The following VRK1 variants were observed in gnomAD, a reference collection of about 807,000 sequenced individuals.
VRK1 encodes VRK serine/threonine kinase 1, also known as serine/threonine-protein kinase VRK1.
In VRK1, 33 loss-of-function variants were observed where a neutral mutation model predicts 57.1. That is an observed-to-expected ratio of 0.58 (90% CI 0.44 to 0.77). The LOEUF (loss-of-function observed/expected upper bound fraction) is 0.77, where lower values mean the gene tolerates loss of function less well. Among genes scored for constraint, VRK1 ranks in the 30% least tolerant of loss-of-function variants. VRK1 has a pLI of 0.00. For synonymous variants in VRK1, 137 were observed against 147.8 expected (o/e 0.93, Z 0.53); for missense variants, 413 against 477.3 (o/e 0.87, Z 1.25).
intron 12 of VRK1, among the ~76,000 whole-genome samples, chr14:96,878,287 GAC>G (rs1341893424): frequency 6.6e-6 from 1 of 152,116 alleles, no homozygotes; most frequent in Non-Finnish European, 1.5e-5. Flanking sequence ...TGAAGGAAAA[GAC>G]ACATTATTAC....
In VRK1 at chr14:96,847,342, A is replaced by G; in HGVS notation, c.372A>G (p.Lys124=). The G allele has an allele frequency of 6.2e-7, 1 of 1,612,670 alleles. No homozygotes were observed. Residue 124 remains lysine (K), a splice_region_variant and synonymous_variant, in exon 5 of 13, where the codon AAA becomes AAG. Coordinates refer to ENST00000216639, the MANE Select transcript of VRK1 (RefSeq NM_003384.3). ...WGSGLHDKNG[K]SYRFMIMDRF... ...CTGGTCTACATGACAAAAATGGAAAAAGGTAAAAATATGTGTGATTTGTCT... is the reference window on the plus strand; with the variant it reads ...CTGGTCTACATGACAAAAATGGAAAGAGGTAAAAATATGTGTGATTTGTCT...
intron 11 of VRK1, among the ~76,000 whole-genome samples, chr14:96,875,818 C>G (rs1595691399): frequency 6.6e-6 from 1 of 152,128 alleles, no homozygotes. Flanking sequence ...GGTTAACTGT[C>G]TAGTTGAAAG....
intron 12 of VRK1, among the ~76,000 whole-genome samples, chr14:96,880,181 C>A (rs552599752): frequency 9.2e-5 from 14 of 152,206 alleles, no homozygotes; most frequent in African/African-American, 3.1e-4. Context: ...ATTAAAAATG[C>A]TAGTTTTGAA....
intron 7 of VRK1, 50 bp from the exon 8 acceptor site, chr14:96,855,174 A>C (rs1450987499): frequency 6.2e-7 from 1 of 1,613,360 alleles, no homozygotes; most frequent in African/African-American, 1.3e-5. Flanking sequence ...AAAGGGTTAT[A>C]TGTGCAGTGA....
chr14:96,867,818 C>T (rs1287670468), intron 11 of VRK1, among the ~76,000 whole-genome samples: 4 of 152,006 alleles, frequency 2.6e-5, no homozygotes, highest in Non-Finnish European at 2.9e-5. Context: ...TTTAAGGGTA[C>T]TAGTTCTTTT....
chr14:96,873,634 C>A (rs1332588735), intron 11 of VRK1, among the ~76,000 whole-genome samples: 2 of 152,036 alleles, frequency 1.3e-5, no homozygotes, highest in Non-Finnish European at 2.9e-5. Context: ...CAAAAGGAAC[C>A]AAAATATGCA....
At chr14:96,833,379 A>G in intron 1 of VRK1, 88 bp from the exon 2 acceptor site, 2 of 1,498,864 alleles carry the variant, frequency 1.3e-6, no homozygotes, top group South Asian at 1.2e-5. Flanking sequence ...TTTGAACAGC[A>G]TCTCCGTACG....
At chr14:96,859,247 T>G (rs1425350214) in intron 10 of VRK1, among the ~76,000 whole-genome samples, 1 of 148,704 alleles carries the variant, frequency 6.7e-6, no homozygotes, top group Non-Finnish European at 1.5e-5. Flanking sequence ...CCTTGTTAAA[T>G]GTATCTACTA....
intron 1 of VRK1, among the ~76,000 whole-genome samples, chr14:96,800,205 T>G (rs1295164158): frequency 6.6e-6 from 1 of 152,198 alleles, no homozygotes; most frequent in Non-Finnish European, 1.5e-5. Flanking sequence ...CTTGCCATTA[T>G]AAAGATGCAG....
intron 1 of VRK1, among the ~76,000 whole-genome samples, chr14:96,810,688 A>C (rs1203318143): frequency 6.6e-6 from 1 of 152,180 alleles, no homozygotes; most frequent in Non-Finnish European, 1.5e-5. Flanking sequence ...TGTGAAATGA[A>C]GGATTTGAAT....
intron 1 of VRK1, among the ~76,000 whole-genome samples, chr14:96,808,030 T>TCC (rs1566683667): frequency 3.0e-4 from 38 of 128,326 alleles, no homozygotes; most frequent in South Asian, 7.0e-4. Flanking sequence ...TGTGTGTGTG[T>TCC]GTGTGTGTGT....
chr14:96,851,226 C>T (rs1041808824), intron 5 of VRK1, among the ~76,000 whole-genome samples: 3 of 151,786 alleles, frequency 2.0e-5, no homozygotes, highest in Non-Finnish European at 2.9e-5. Flanking sequence ...CTGCAATCTC[C>T]GCCTCCCAGG....
rs185675614 is a variant in VRK1 at position 96,880,304 on chromosome 14, T to C, written c.1160-873T>C. Among the ~76,000 whole-genome samples the C allele has an allele frequency of 8.5e-5, 13 of 152,344 alleles. No homozygotes were observed. In the East Asian group the frequency reaches 2.5e-3, roughly 29 times the overall value. On this transcript the variant is annotated intron_variant, in intron 12 of 12. Transcript: ENST00000216639. ...TTTCGTACTTTTCAGAAAAGAAGTA[T>C]TGATCTTTTGTTTTTTTTCGTGCAG... is the stretch of plus-strand genomic sequence containing the variant.
chr14:96,861,499 T>C (rs1238476876), intron 11 of VRK1, among the ~76,000 whole-genome samples: 1 of 152,184 alleles, frequency 6.6e-6, no homozygotes, highest in Admixed American at 6.5e-5. Context: ...TTTACATTAT[T>C]AACCATTTTT....
Position 96,876,215 on chromosome 14 carries a change from T to C in VRK1, c.1159+95T>C, listed in dbSNP as rs538604319. ...GGGGTCAACTATTTGGGTCATGACCTTTTGATTTTATAATAAAATACCACA... is the reference window on the plus strand; with the variant it reads ...GGGGTCAACTATTTGGGTCATGACCCTTTGATTTTATAATAAAATACCACA... On this transcript the variant is annotated intron_variant, in intron 12 of 12. Coordinates refer to ENST00000216639, the MANE Select transcript of VRK1 (RefSeq NM_003384.3). The C allele has an allele frequency of 6.2e-6, 7 of 1,137,240 alleles. No homozygotes were observed. In the East Asian group the frequency reaches 1.2e-4, roughly 19 times the overall value. The allele number at this position is 1,137,240 out of a possible 1,614,324, so 70.4% of individuals were successfully genotyped here. A position where few individuals can be genotyped will look rare whatever the true frequency, so the allele number is the denominator to read the frequency against.
At chr14:96,813,378 C>G (rs562493153) in intron 1 of VRK1, among the ~76,000 whole-genome samples, 1 of 152,246 alleles carries the variant, frequency 6.6e-6, no homozygotes, top group South Asian at 2.1e-4. Flanking sequence ...ACAGAAGAAA[C>G]AGACTTTAGA....
At chr14:96,873,562 G>C (rs1437885076) in intron 11 of VRK1, among the ~76,000 whole-genome samples, 1 of 152,142 alleles carries the variant, frequency 6.6e-6, no homozygotes, top group African/African-American at 2.4e-5. Context: ...TGTGAGACCT[G>C]ATACAGAATG....
chr14:96,879,138 T>C (rs1160450044), intron 12 of VRK1, among the ~76,000 whole-genome samples: 2 of 152,174 alleles, frequency 1.3e-5, no homozygotes, highest in Non-Finnish European at 2.9e-5. Flanking sequence ...AACTTGTATG[T>C]TATTTTCCAA....
chr14:96,867,639 G>T (rs765857607), intron 11 of VRK1, among the ~76,000 whole-genome samples: 11 of 151,816 alleles, frequency 7.2e-5, no homozygotes, highest in African/African-American at 1.2e-4. Flanking sequence ...TCTCTATTCT[G>T]TCCCTCCGGA....
Sources: allele counts gnomAD v4.1 joint callset (sites outside exome capture counted in the v4.1 genomes callset), GRCh38; gene constraint gnomAD v4.1.1; transcripts MANE v1.5; gene names NCBI Gene and HGNC (gene_info 2026-07-23, HGNC 2026-07-21).